SMOC2: variants seen among roughly 807,000 people sequenced by gnomAD.
SMOC2 encodes SPARC-related modular calcium-binding protein 2.
A neutral mutation model predicts 61.4 loss-of-function variants in SMOC2; 39 were observed. The observed-to-expected ratio is 0.64, with a 90% confidence interval of 0.49 to 0.83. The LOEUF (loss-of-function observed/expected upper bound fraction) is 0.83. Ranked by LOEUF, SMOC2 falls within the 40% of genes least tolerant of loss-of-function variation. The probability of loss-of-function intolerance (pLI) is 0.00; values close to 1 mark genes in which losing one functional copy is unlikely to be tolerated. For missense variants in SMOC2, 556 were observed against 592.9 expected (o/e 0.94, Z 0.65); for synonymous variants, 247 against 239.9 (o/e 1.03, Z -0.27).
chr6:168,441,665 G>T (rs578065136), intron 1 of SMOC2, among the ~76,000 whole-genome samples: 25 of 152,266 alleles, frequency 1.6e-4, no homozygotes, highest in African/African-American at 6.0e-4. Context: ...GGCTTCTGGG[G>T]ACCCTGCCCG....
Position 168,666,618 on chromosome 6 carries a change from C to A in SMOC2, c.*180C>A. The A allele has an allele frequency of 1.5e-6, 1 of 684,804 alleles. No individual in the cohort carries two copies. Among genetic ancestry groups the A allele is most frequent in the Non-Finnish European group, 2.5e-6 (1 of 400,154 alleles). 42.4% of individuals were successfully genotyped at this position (684,804 alleles called of 1,614,324 possible). The stretch of plus-strand genomic sequence containing the variant: ...TTAATCTGTGAAAATGGAGAGCTGG[C>A]TTCAGAAAATTAATCACATACAATG... On this transcript the variant is annotated 3_prime_UTR_variant, in exon 13 of 13. Coordinates refer to ENST00000356284, the MANE Select transcript of SMOC2 (RefSeq NM_001166412.2).
chr6:168,650,248 G>A (rs1787157156), intron 9 of SMOC2, among the ~76,000 whole-genome samples: 2 of 152,130 alleles, frequency 1.3e-5, no homozygotes, highest in African/African-American at 2.4e-5. Flanking sequence ...TCTGAGAAGC[G>A]AGGTGGCTCT....
At chr6:168,540,066 C>G (rs1310822442) in intron 4 of SMOC2, among the ~76,000 whole-genome samples, 1 of 152,218 alleles carries the variant, frequency 6.6e-6, no homozygotes, top group African/African-American at 2.4e-5. Context: ...ATATAGACAT[C>G]AGCTGTGTAC....
intron 4 of SMOC2, among the ~76,000 whole-genome samples, chr6:168,531,672 A>G (rs1453910690): frequency 1.3e-5 from 2 of 152,224 alleles, no homozygotes; most frequent in African/African-American, 4.8e-5. Flanking sequence ...AGTGCCAGCC[A>G]TGGCTCACAT....
intron 7 of SMOC2, among the ~76,000 whole-genome samples, chr6:168,551,983 T>A (rs1562342891): frequency 6.6e-6 from 1 of 152,186 alleles, no homozygotes; most frequent in Non-Finnish European, 1.5e-5. Context: ...AATTCCAGTT[T>A]ACAGAAGTTA....
intron 4 of SMOC2, among the ~76,000 whole-genome samples, chr6:168,543,337 C>T (rs1783915174): frequency 6.6e-6 from 1 of 152,170 alleles, no homozygotes; most frequent in Admixed American, 6.5e-5. Flanking sequence ...GCTATGATGA[C>T]ATTTTTGAGG....
chr6:168,447,990 C>T (rs1245936903), intron 1 of SMOC2, among the ~76,000 whole-genome samples: 1 of 152,176 alleles, frequency 6.6e-6, no homozygotes, highest in Non-Finnish European at 1.5e-5. Context: ...TTGATTTCTT[C>T]TTGGGATTAG....
At chr6:168,471,879 C>T (rs1331312140) in intron 1 of SMOC2, among the ~76,000 whole-genome samples, 1 of 152,102 alleles carries the variant, frequency 6.6e-6, no homozygotes, top group Admixed American at 6.5e-5. Context: ...AGTCCTGTGC[C>T]CATTTTTCAA....
At chr6:168,504,202 A>C (rs1329367776) in intron 1 of SMOC2, among the ~76,000 whole-genome samples, 1 of 152,000 alleles carries the variant, frequency 6.6e-6, no homozygotes, top group Admixed American at 6.6e-5. Context: ...CCTTTTCGGC[A>C]TGAGGAACGT....
intron 4 of SMOC2, among the ~76,000 whole-genome samples, chr6:168,537,238 T>C (rs187790340): frequency 2.7e-5 from 4 of 150,222 alleles, no homozygotes; most frequent in East Asian, 1.9e-4. Context: ...GAGAGAGCAG[T>C]GTCTGTCCTA....
chr6:168,526,430 A>G lies in SMOC2; in HGVS notation c.341A>G (p.Asn114Ser). Residue 114 changes from asparagine to serine, a missense_variant, in exon 3 of 13, where the codon AAT (asparagine) becomes AGT (serine). Coordinates refer to ENST00000356284, the MANE Select transcript of SMOC2 (RefSeq NM_001166412.2). ...EFQQVFIPEC[N>S]DDGTYSQVQC... is the part of the protein sequence containing the mutation. The stretch of plus-strand genomic sequence containing the variant: ...CAGCAAGTGTTCATTCCTGAGTGCA[A>G]TGACGACGGCACCTACAGTCAGGTT... 1 of 1,614,160 alleles carries G rather than the reference A, an allele frequency of 6.2e-7. No homozygotes were observed. Among genetic ancestry groups the G allele is most frequent in the Non-Finnish European group, 8.5e-7 (1 of 1,180,014 alleles).
intron 9 of SMOC2, among the ~76,000 whole-genome samples, chr6:168,614,432 C>T (rs1785992840): frequency 1.3e-5 from 1 of 77,084 alleles, no homozygotes; most frequent in Admixed American, 1.5e-4. Context: ...CAGCACAGGG[C>T]CTCTTCACAC....
intron 9 of SMOC2, among the ~76,000 whole-genome samples, chr6:168,628,151 G>A (rs1786463925): frequency 6.6e-6 from 1 of 152,198 alleles, no homozygotes; most frequent in Non-Finnish European, 1.5e-5. Context: ...CGGATTCTGG[G>A]GTTGCACTTC....
chr6:168,490,468 T>A (rs1782449633), intron 1 of SMOC2, among the ~76,000 whole-genome samples: 1 of 152,138 alleles, frequency 6.6e-6, no homozygotes, highest in African/African-American at 2.4e-5. Flanking sequence ...GGCAGCTGAC[T>A]CTCACTCACC....
At chr6:168,577,296 G>A (rs1309319800) in intron 7 of SMOC2, among the ~76,000 whole-genome samples, 1 of 151,612 alleles carries the variant, frequency 6.6e-6, no homozygotes, top group South Asian at 2.1e-4. Flanking sequence ...CCGTCTAAAC[G>A]CGCTCTCTCT....
chr6:168,483,747 G>A (rs1463712805), intron 1 of SMOC2, among the ~76,000 whole-genome samples: 1 of 152,106 alleles, frequency 6.6e-6, no homozygotes, highest in Non-Finnish European at 1.5e-5. Context: ...CATAAAGACA[G>A]ATGTATAGAT....
At chr6:168,627,169 G>A (rs187706669) in intron 9 of SMOC2, among the ~76,000 whole-genome samples, 154 of 152,302 alleles carry the variant, frequency 1.0e-3, no homozygotes, top group Non-Finnish European at 1.9e-3. Context: ...TGGGTTAGCC[G>A]TGAGCTGAGT....
intron 7 of SMOC2, among the ~76,000 whole-genome samples, chr6:168,574,470 CCGCCGGG>C (rs1784749269): frequency 1.3e-5 from 2 of 152,168 alleles, no homozygotes; most frequent in Non-Finnish European, 2.9e-5. Flanking sequence ...GTGAACCTTC[CCGCCGGG>C]CCTTGGGGAG....
At chr6:168,504,745 G>A (rs74340623) in intron 1 of SMOC2, among the ~76,000 whole-genome samples, 4,749 of 152,198 alleles carry the variant, frequency 0.031, 347 homozygotes, top group East Asian at 0.21. Flanking sequence ...TCTGCCCTCT[G>A]GATTTTCAGC....
Sources: allele counts gnomAD v4.1 joint callset (sites outside exome capture counted in the v4.1 genomes callset), GRCh38; gene constraint gnomAD v4.1.1; transcripts MANE v1.5; gene names NCBI Gene and HGNC (gene_info 2026-07-23, HGNC 2026-07-21).